Variants in RBFOX1 observed in about 807,000 individuals in gnomAD.
The protein encoded by RBFOX1 is RNA binding fox-1 homolog 1.
RBFOX1 carries 8 observed loss-of-function variants against 57.7 expected under a neutral mutation model. The observed-to-expected ratio is 0.14, with a 90% CI of 0.08 to 0.25. RBFOX1 has a LOEUF of 0.25. RBFOX1 is among the 10% of genes least tolerant of loss of function. RBFOX1 has a pLI of 1.00. For synonymous variants in RBFOX1, 326 were observed against 222.4 expected (o/e 1.47, Z -4.15); for missense variants, 611 against 548.5 (o/e 1.11, Z -1.14).
At chr16:6,880,776 T>C (rs576415743) in intron 3 of RBFOX1, among the ~76,000 whole-genome samples, 35 of 151,426 alleles carry the variant, frequency 2.3e-4, no homozygotes, top group South Asian at 6.2e-4. Flanking sequence ...ATTATTGTTA[T>C]ATTTTTATTA....
intron 3 of RBFOX1, among the ~76,000 whole-genome samples, chr16:6,934,756 C>T (rs983475710): frequency 1.2e-4 from 18 of 151,966 alleles, no homozygotes; most frequent in Admixed American, 1.0e-3. Context: ...TGGAGGATCT[C>T]AGAGGGAAAG....
chr16:5,981,885 C>G (rs541037747), intron 4 of RBFOX1, among the ~76,000 whole-genome samples: 84 of 152,294 alleles, frequency 5.5e-4, no homozygotes, highest in Non-Finnish European at 1.2e-4. Context: ...GTTTAGCGGG[C>G]GGAGGCCAGG....
At chr16:7,497,626 A>C (rs982630882) in intron 4 of RBFOX1, among the ~76,000 whole-genome samples, 4 of 152,226 alleles carry the variant, frequency 2.6e-5, no homozygotes, top group Non-Finnish European at 5.9e-5. Flanking sequence ...GACCAGACAC[A>C]GTGGATAAAG....
At chr16:7,209,968 G>C (rs1219950862) in intron 4 of RBFOX1, among the ~76,000 whole-genome samples, 2 of 152,174 alleles carry the variant, frequency 1.3e-5, no homozygotes, top group Admixed American at 6.5e-5. Context: ...AAGCCCCATT[G>C]ATTCACCTGT....
intron 3 of RBFOX1, among the ~76,000 whole-genome samples, chr16:6,867,902 A>T (rs2060216030): frequency 6.6e-6 from 1 of 152,152 alleles, no homozygotes; most frequent in Non-Finnish European, 1.5e-5. Flanking sequence ...CATACTCTTA[A>T]ACAAGAGAGT....
At chr16:5,356,971 T>G in intron 1 of RBFOX1, among the ~76,000 whole-genome samples, 1 of 152,240 alleles carries the variant, frequency 6.6e-6, no homozygotes, top group South Asian at 2.1e-4. Context: ...AGGTACCCAG[T>G]GAAGTAGGTA....
intron 4 of RBFOX1, among the ~76,000 whole-genome samples, chr16:7,337,736 G>A (rs2096819887): frequency 6.6e-6 from 1 of 152,322 alleles, no homozygotes; most frequent in East Asian, 1.9e-4. Context: ...CCAGGCTGGA[G>A]TGCAGGGGCG....
At chr16:6,140,349 G>A (rs767629786) in intron 1 of RBFOX1, among the ~76,000 whole-genome samples, 16 of 152,150 alleles carry the variant, frequency 1.1e-4, no homozygotes, top group Non-Finnish European at 1.8e-4. Context: ...GTGCCATCAT[G>A]CATGGCTAAT....
At chr16:6,577,276 A>C (rs187651183) in intron 2 of RBFOX1, 86 of 152,318 alleles carry the variant, frequency 5.6e-4, no homozygotes, top group African/African-American at 1.9e-3. Context: ...ACATCATACT[A>C]ATGGAACACT....
rs1314388472 is a variant in RBFOX1 at position 6,780,433 on chromosome 16, TAG to T, written c.-16+125785_-16+125786del. On this transcript the variant is annotated intron_variant, in intron 3 of 15. Coordinates refer to ENST00000550418, the MANE Select transcript of RBFOX1 (RefSeq NM_018723.4). ...ATTTATATATATTTATATATATTTA[TAG>T]ATATATTTATATATACATTTTTATA... is the stretch of plus-strand genomic sequence containing the variant. Among the ~76,000 whole-genome samples the T allele has an allele frequency of 6.9e-3, 728 of 105,062 alleles. 21 individuals carry two copies. Among genetic ancestry groups the T allele is most frequent in the African/African-American group, 0.022 (522 of 23,818 alleles). The allele number at this position is 105,062 out of a possible 152,430, so 68.9% of individuals were successfully genotyped here.
intron 4 of RBFOX1, among the ~76,000 whole-genome samples, chr16:7,168,805 T>A (rs2080094592): frequency 6.6e-6 from 1 of 152,226 alleles, no homozygotes; most frequent in Non-Finnish European, 1.5e-5. Flanking sequence ...CAATAAACTG[T>A]TATTCTAATG....
rs989534465 is a variant in RBFOX1, at chr16:6,029,826, G to A, written c.-127+9834G>A. ...AAAACATGTTATTGAATGTAGGTGA[G>A]GGATAAGAACCAAGAACTTCTGGTA... On this transcript the variant is annotated intron_variant, in intron 1 of 15. Transcript: ENST00000550418. Among the ~76,000 whole-genome samples, 3 of 151,568 alleles carry A rather than the reference G, an allele frequency of 2.0e-5. No individual in the cohort carries two copies. In the East Asian group the frequency reaches 5.8e-4, roughly 29 times the overall value.
Position 7,653,909 on chromosome 16 carries a change from G to A in RBFOX1, c.852G>A (p.Arg284=), listed in dbSNP as rs2065682221. ...GRGRTVYNTF[R]AAAPPPPIPA... ...GTCGCACCGTGTACAACACCTTCAG[G>A]GCCGCGGCGCCCCCGCCCCCGATCC... Residue 284 remains arginine (R), a synonymous_variant, in exon 12 of 16, where the codon AGG becomes AGA. Transcript: ENST00000550418. The A allele has an allele frequency of 1.3e-6, 2 of 1,579,698 alleles. No homozygotes were observed. Among genetic ancestry groups the A allele is most frequent in the Middle Eastern group, 1.8e-4 (1 of 5,532 alleles).
chr16:6,690,179 C>T (rs865973737), intron 3 of RBFOX1, among the ~76,000 whole-genome samples: 2 of 152,072 alleles, frequency 1.3e-5, no homozygotes, highest in African/African-American at 4.8e-5. Flanking sequence ...TTTTATTACT[C>T]ATGAGTTAAA....
chr16:7,612,771 T>A (rs7196688), intron 10 of RBFOX1, among the ~76,000 whole-genome samples: 84,353 of 151,980 alleles, frequency 0.56, 24,962 homozygotes, highest in East Asian at 0.83. Context: ...CACGGGGCTG[T>A]CAAATGGTAA....
intron 2 of RBFOX1, among the ~76,000 whole-genome samples, chr16:5,558,586 C>A (rs1157759245): frequency 6.6e-6 from 1 of 152,106 alleles, no homozygotes; most frequent in Admixed American, 6.5e-5. Context: ...TGAATTGGTC[C>A]CTTTCCTTTC....
At chr16:5,474,199 A>G (rs1402671030) in intron 2 of RBFOX1, among the ~76,000 whole-genome samples, 1 of 152,210 alleles carries the variant, frequency 6.6e-6, no homozygotes, top group Non-Finnish European at 1.5e-5. Flanking sequence ...CTACAGCATT[A>G]GCCAAGGTGC....
At chr16:6,670,764 G>A (rs536666789) in intron 3 of RBFOX1, among the ~76,000 whole-genome samples, 1 of 152,188 alleles carries the variant, frequency 6.6e-6, no homozygotes. Context: ...CTGGGAGGCC[G>A]AGCTGGGTGG....
chr16:6,085,641 A>AATGTGTGTTT (rs1349581481), intron 1 of RBFOX1, among the ~76,000 whole-genome samples: 28 of 94,696 alleles, frequency 3.0e-4, no homozygotes, highest in Admixed American at 9.5e-4. Context: ...GAGAAGTAGC[A>AATGTGTGTTT]GTGTGTGTTT....
Sources: allele counts gnomAD v4.1 joint callset (sites outside exome capture counted in the v4.1 genomes callset), GRCh38; gene constraint gnomAD v4.1.1; transcripts MANE v1.5; gene names NCBI Gene and HGNC (gene_info 2026-07-23, HGNC 2026-07-21).